Variants in SSPN observed in about 807,000 individuals in gnomAD.
SSPN encodes the protein K-ras oncogene-associated protein.
A neutral mutation model predicts 19.1 loss-of-function variants in SSPN; 15 were observed. That is an observed-to-expected ratio of 0.78 (90% CI 0.52 to 1.21). The LOEUF (loss-of-function observed/expected upper bound fraction) is 1.21, where lower values mean the gene tolerates loss of function less well. SSPN is among the 50% of genes most tolerant of loss of function. SSPN has a pLI of 0.00. For missense variants in SSPN, 291 were observed against 314.0 expected, an observed-to-expected ratio of 0.93 and a Z score of 0.55; for synonymous variants, 147 against 140.3, an observed-to-expected ratio of 1.05 and a Z score of -0.34.
At chr12:26,219,477 T>G (rs1945095872) in intron 1 of SSPN, among the ~76,000 whole-genome samples, 1 of 1,048 alleles carries the variant, frequency 9.5e-4, no homozygotes, top group African/African-American at 1.1e-3. Flanking sequence ...GACTCGCACA[T>G]CCACAAAAAA....
At chr12:26,191,687 CACACACACACACACACACACA>C (rs1324242435), upstream of SSPN, among the ~76,000 whole-genome samples, 1,208 of 68,984 alleles carry the variant, frequency 0.018, 15 homozygotes, top group African/African-American at 0.095. Context: ...TACACACACA[CACACACACACACACACACACA>C]CACACACACA....
intron 1 of SSPN, among the ~76,000 whole-genome samples, chr12:26,204,892 A>G (rs1046032410): frequency 6.6e-6 from 1 of 152,192 alleles, no homozygotes; most frequent in Non-Finnish European, 1.5e-5. Flanking sequence ...ACGAAAAGGG[A>G]TGGCCACGAT....
intron 1 of SSPN, among the ~76,000 whole-genome samples, chr12:26,201,047 T>TAAA (rs1491165521): frequency 0.015 from 743 of 50,758 alleles, 6 homozygotes; most frequent in Non-Finnish European, 0.021. Context: ...ATATATATAT[T>TAAA]ATATATATAT....
intron 1 of SSPN, among the ~76,000 whole-genome samples, chr12:26,189,424 A>G (rs1470743021): frequency 6.6e-6 from 1 of 152,104 alleles, no homozygotes; most frequent in East Asian, 1.9e-4. Flanking sequence ...CTGCAAACTC[A>G]ACTGCATTCT....
chr12:26,169,198 T>A (rs1240056887), intron 1 of SSPN, among the ~76,000 whole-genome samples: 3 of 152,212 alleles, frequency 2.0e-5, no homozygotes, highest in Non-Finnish European at 2.9e-5. Context: ...TACTAACTTT[T>A]TTTTTTGTTC....
At chr12:26,153,946 T>C (rs1041077725) in intron 1 of SSPN, among the ~76,000 whole-genome samples, 7 of 152,198 alleles carry the variant, frequency 4.6e-5, no homozygotes, top group African/African-American at 1.7e-4. Flanking sequence ...GGAAGTCCAG[T>C]GCCTCTGAAC....
At chr12:26,167,938 G>A (rs1260579092) in intron 1 of SSPN, among the ~76,000 whole-genome samples, 1 of 152,142 alleles carries the variant, frequency 6.6e-6, no homozygotes, top group African/African-American at 2.4e-5. Context: ...GGGCAGCTGG[G>A]CATGGTGGCT....
rs1414038517 is a variant in SSPN at position 26,232,740 on chromosome 12, AT to A, written c.*1666del. The A allele has an allele frequency of 1.0e-6, 1 of 983,170 alleles. No homozygotes were observed. The highest frequency in any genetic ancestry group is 1.1e-4 in the East Asian group (1 of 8,800). The allele number at this position is 983,170 out of a possible 1,614,324, so 60.9% of individuals were successfully genotyped here. A position where few individuals can be genotyped will look rare whatever the true frequency, so the allele number is the denominator to read the frequency against. On this transcript the variant is annotated 3_prime_UTR_variant, in exon 3 of 3. Coordinates refer to ENST00000242729, the MANE Select transcript of SSPN (RefSeq NM_005086.5). ...TTATGTCCTCTAGATAAAACACCCGATTAACAGATGTTAAACCTTTTAATGT... is the reference window on the plus strand; with the variant it reads ...TTATGTCCTCTAGATAAAACACCCGATAACAGATGTTAAACCTTTTAATGT...
At chr12:26,226,156 C>A (rs1247349100) in intron 2 of SSPN, among the ~76,000 whole-genome samples, 1 of 152,142 alleles carries the variant, frequency 6.6e-6, no homozygotes, top group Non-Finnish European at 1.5e-5. Flanking sequence ...TGCTAGCTCT[C>A]TAAGGTTGCA....
At chr12:26,203,029 A>T (rs1944900172) in intron 1 of SSPN, among the ~76,000 whole-genome samples, 1 of 152,134 alleles carries the variant, frequency 6.6e-6, no homozygotes, top group African/African-American at 2.4e-5. Context: ...GCACTGGGGA[A>T]ACTGCCACTT....
At chr12:26,147,649 T>A (rs1000893536) in intron 1 of SSPN, among the ~76,000 whole-genome samples, 7 of 152,220 alleles carry the variant, frequency 4.6e-5, no homozygotes, top group African/African-American at 1.7e-4. Flanking sequence ...GAAATTTCTG[T>A]GTGAGCAGAA....
At chr12:26,221,352 A>G (rs1945118645) in intron 1 of SSPN, among the ~76,000 whole-genome samples, 3 of 152,166 alleles carry the variant, frequency 2.0e-5, no homozygotes, top group African/African-American at 2.4e-5. Flanking sequence ...TACTTTTACA[A>G]TATTCCAACT....
intron 1 of SSPN, among the ~76,000 whole-genome samples, chr12:26,135,547 A>T (rs796259105): frequency 1.2e-4 from 19 of 152,324 alleles, no homozygotes; most frequent in African/African-American, 4.3e-4. Flanking sequence ...GGAGGTGGTC[A>T]GTCAGTCGTG....
chr12:26,229,752 A>T (rs947151896), intron 2 of SSPN, among the ~76,000 whole-genome samples: 2 of 152,190 alleles, frequency 1.3e-5, no homozygotes, highest in Admixed American at 6.5e-5. Context: ...GGGGACTCTG[A>T]GCCTTACCTA....
intron 1 of SSPN, among the ~76,000 whole-genome samples, chr12:26,214,156 G>A (rs1012096397): frequency 6.6e-6 from 1 of 152,124 alleles, no homozygotes; most frequent in African/African-American, 2.4e-5. Context: ...ATTATTAACT[G>A]TCATTTTCTC....
chr12:26,124,856 G>A, intron 1 of SSPN: 1 of 1,389,554 alleles, frequency 7.2e-7, no homozygotes, highest in South Asian at 1.2e-5. Context: ...AGGCTTGGGA[G>A]ACCTTGGGGG....
chr12:26,174,507 T>TC (rs147707217), intron 1 of SSPN, among the ~76,000 whole-genome samples: 71 of 116,818 alleles, frequency 6.1e-4, no homozygotes, highest in African/African-American at 9.9e-4. Flanking sequence ...TTCCTTCCCT[T>TC]CCTTCCTTCC....
chr12:26,184,227 G>A (rs1288738371), intron 1 of SSPN, among the ~76,000 whole-genome samples: 1 of 152,196 alleles, frequency 6.6e-6, no homozygotes, highest in Non-Finnish European at 1.5e-5. Flanking sequence ...GCAAAGCACT[G>A]TGTATATTTA....
upstream of SSPN, among the ~76,000 whole-genome samples, chr12:26,191,661 T>C (rs1323417605): frequency 4.8e-5 from 7 of 146,930 alleles, no homozygotes; most frequent in East Asian, 1.4e-3. Context: ...AAAATAGGAG[T>C]TGCTTTAATT....
Sources: gnomAD v4.1 joint callset for allele counts (sites outside exome capture counted in the v4.1 genomes callset) on GRCh38, gnomAD v4.1.1 for gene constraint, MANE v1.5 for transcripts, NCBI Gene and HGNC (gene_info 2026-07-23, HGNC 2026-07-21) for gene names.